Variants in SNX24 observed in about 807,000 individuals in gnomAD.
SNX24 encodes the protein sorting nexin-24.
In SNX24, 22 loss-of-function variants were observed where a neutral mutation model predicts 28.7. That is an observed-to-expected ratio of 0.77 (90% CI 0.55 to 1.10). The LOEUF (loss-of-function observed/expected upper bound fraction) is 1.10. Among genes scored for constraint, SNX24 ranks in the 50% least tolerant of loss-of-function variants. The pLI, the probability that SNX24 is intolerant of heterozygous loss-of-function variation, is 0.00. For synonymous variants in SNX24, 69 were observed against 71.5 expected (o/e 0.96, Z 0.18); for missense variants, 221 against 201.1 (o/e 1.10, Z -0.60).
intron 1 of SNX24, among the ~76,000 whole-genome samples, chr5:122,875,471 C>T (rs117278630): frequency 1.3e-5 from 2 of 152,330 alleles, no homozygotes; most frequent in East Asian, 3.9e-4. Flanking sequence ...AGGAGTGCAG[C>T]AGAACAGAAG....
rs553248693 is a variant in SNX24, at chr5:122,913,216, A to G, written c.61-23518A>G. Among the ~76,000 whole-genome samples, 13 of 152,316 alleles carry G rather than the reference A, an allele frequency of 8.5e-5. No individual in the cohort carries two copies. The South Asian group carries it at 1.0e-3, about 12-fold the overall frequency. ...CCATTGTCATCATGGCCGGTTCTCA[A>G]TGAGCTGTTGGGTACACCTCCCAGA... On this transcript the variant is annotated intron_variant, in intron 1 of 6. Transcript: ENST00000261369.
chr5:122,901,297 C>CT (rs1384399765), intron 1 of SNX24, among the ~76,000 whole-genome samples: 1 of 150,590 alleles, frequency 6.6e-6, no homozygotes. Flanking sequence ...AGCTTGTTTT[C>CT]TTTTTATTAT....
At chr5:122,965,714 G>A (rs1406434058) in intron 3 of SNX24, among the ~76,000 whole-genome samples, 1 of 152,134 alleles carries the variant, frequency 6.6e-6, no homozygotes, top group African/African-American at 2.4e-5. Flanking sequence ...TGTTTTGTCT[G>A]GACCTTCGGA....
intron 5 of SNX24, among the ~76,000 whole-genome samples, chr5:123,025,003 T>C (rs1490650283): frequency 6.6e-6 from 1 of 152,224 alleles, no homozygotes; most frequent in African/African-American, 2.4e-5. Context: ...TTGACATTCT[T>C]TGAGACCCAA....
intron 1 of SNX24, among the ~76,000 whole-genome samples, chr5:122,926,786 T>C (rs1561607844): frequency 6.6e-6 from 1 of 152,204 alleles, no homozygotes. Flanking sequence ...AGGGTTCCAC[T>C]GGACCGTGTG....
intron 3 of SNX24, among the ~76,000 whole-genome samples, chr5:122,972,398 A>T (rs773025687): frequency 4.6e-5 from 7 of 152,176 alleles, no homozygotes; most frequent in Non-Finnish European, 8.8e-5. Flanking sequence ...GCAGTAGCAT[A>T]TATTGGATGC....
chr5:122,998,939 T>C (rs1293994462), intron 3 of SNX24, among the ~76,000 whole-genome samples: 1 of 151,996 alleles, frequency 6.6e-6, no homozygotes, highest in Non-Finnish European at 1.5e-5. Context: ...ATGTACTTAC[T>C]GGACAAAATT....
intron 1 of SNX24, among the ~76,000 whole-genome samples, chr5:122,858,631 T>C (rs1268771414): frequency 6.6e-6 from 1 of 152,224 alleles, no homozygotes; most frequent in Non-Finnish European, 1.5e-5. Context: ...TGCATTACTG[T>C]AGCAGTTTAT....
At chr5:122,950,867 G>C (rs990532431) in intron 3 of SNX24, among the ~76,000 whole-genome samples, 2 of 152,174 alleles carry the variant, frequency 1.3e-5, no homozygotes, top group African/African-American at 4.8e-5. Context: ...CAGAGAAAAT[G>C]ATAATGCTTA....
intron 3 of SNX24, among the ~76,000 whole-genome samples, chr5:122,984,709 C>T (rs975487769): frequency 6.6e-6 from 1 of 152,170 alleles, no homozygotes; most frequent in Non-Finnish European, 1.5e-5. Flanking sequence ...AAATTGTACT[C>T]AAGACAGATT....
At chr5:122,924,093 A>G (rs1753614662) in intron 1 of SNX24, among the ~76,000 whole-genome samples, 1 of 152,112 alleles carries the variant, frequency 6.6e-6, no homozygotes, top group Non-Finnish European at 1.5e-5. Context: ...CCTTATCCTC[A>G]GGTGTTATGT....
chr5:123,009,225 C>T, downstream of SNX24: 2 of 984,650 alleles, frequency 2.0e-6, no homozygotes, highest in Non-Finnish European at 2.4e-6. Context: ...TTGTCTTCTC[C>T]TAAGATTTCA....
intron 3 of SNX24, among the ~76,000 whole-genome samples, chr5:122,955,500 A>G (rs941072315): frequency 4.6e-5 from 7 of 152,110 alleles, no homozygotes; most frequent in African/African-American, 1.7e-4. Context: ...TCTGGCTCTT[A>G]TTTATACCTT....
At chr5:123,018,711 G>A (rs1276809455) in intron 5 of SNX24, among the ~76,000 whole-genome samples, 1 of 151,530 alleles carries the variant, frequency 6.6e-6, no homozygotes, top group East Asian at 1.9e-4. Flanking sequence ...CTTTGACACA[G>A]AGTCTCGCTC....
intron 1 of SNX24, among the ~76,000 whole-genome samples, chr5:122,856,826 T>C (rs1755216310): frequency 1.3e-5 from 2 of 152,004 alleles, no homozygotes; most frequent in Non-Finnish European, 2.9e-5. Context: ...TGTTACTTAA[T>C]GGTTAAAAGC....
intron 5 of SNX24, among the ~76,000 whole-genome samples, chr5:123,020,899 T>A (rs114389571): frequency 2.6e-5 from 4 of 152,218 alleles, no homozygotes; most frequent in African/African-American, 9.6e-5. Flanking sequence ...TGATGGCTCA[T>A]TCACATGACT....
chr5:123,011,419 C>T (rs1235591531), downstream of SNX24, among the ~76,000 whole-genome samples: 1 of 152,296 alleles, frequency 6.6e-6, no homozygotes, highest in East Asian at 1.9e-4. Context: ...TACAATCAGC[C>T]ATGTGAACAA....
chr5:122,976,707 T>G (rs1411090277), intron 3 of SNX24, among the ~76,000 whole-genome samples: 1 of 152,224 alleles, frequency 6.6e-6, no homozygotes, highest in Non-Finnish European at 1.5e-5. Context: ...TCCCCGTGAT[T>G]GAGCAAAGAT....
chr5:122,969,511 A>G (rs1308277180), intron 3 of SNX24, among the ~76,000 whole-genome samples: 1 of 152,058 alleles, frequency 6.6e-6, no homozygotes, highest in Non-Finnish European at 1.5e-5. Flanking sequence ...CTAGTATTCC[A>G]TTTTTGCTAT....
Sources: gnomAD v4.1 joint callset for allele counts (sites outside exome capture counted in the v4.1 genomes callset) on GRCh38, gnomAD v4.1.1 for gene constraint, MANE v1.5 for transcripts, NCBI Gene and HGNC (gene_info 2026-07-23, HGNC 2026-07-21) for gene names.